SLC6A13: variants seen among roughly 807,000 people sequenced by gnomAD.
The protein encoded by SLC6A13 is sodium- and chloride-dependent GABA transporter 2.
In SLC6A13, 69 loss-of-function variants were observed where a neutral mutation model predicts 72.9. The observed-to-expected ratio is 0.95, with a 90% CI of 0.78 to 1.16. SLC6A13 has a LOEUF of 1.16. Ranked by LOEUF, SLC6A13 falls within the 50% of genes most tolerant of loss-of-function variation. The pLI, the probability that SLC6A13 is intolerant of heterozygous loss-of-function variation, is 0.00. For synonymous variants in SLC6A13, 303 were observed against 303.0 expected, an observed-to-expected ratio of 1.00 and a Z score of 0.00; for missense variants, 735 against 760.5, an observed-to-expected ratio of 0.97 and a Z score of 0.39.
intron 4 of SLC6A13, chr12:238,270 A>AGCTG: frequency 2.0e-6 from 3 of 1,463,622 alleles, no homozygotes; most frequent in Non-Finnish European, 2.7e-6. Flanking sequence ...TGGCAACAGG[A>AGCTG]AAGGTGCTCT....
At chr12:222,469 C>G (rs1591818003) in intron 13 of SLC6A13, 63 bp downstream of exon 13, 1 of 1,038,952 alleles carries the variant, frequency 9.6e-7, no homozygotes. Context: ...AACGGCTTCT[C>G]TACCCCTGCT....
intron 12 of SLC6A13, 82 bp downstream of exon 12, chr12:223,050 G>T: frequency 1.2e-6 from 1 of 835,316 alleles, no homozygotes; most frequent in Non-Finnish European, 2.0e-6. Context: ...AGTGCGAGCA[G>T]TAGATGTCTG....
intron 2 of SLC6A13, among the ~76,000 whole-genome samples, 166 bp from the exon 3 acceptor site, chr12:243,979 AAG>A (rs1203446267): frequency 1.2e-5 from 1 of 82,226 alleles, no homozygotes; most frequent in Non-Finnish European, 2.7e-5. Flanking sequence ...AGCAGAGATC[AAG>A]AGTCACCCCA....
At chr12:242,489 C>T in intron 4 of SLC6A13, 125 bp downstream of exon 4, 3 of 698,840 alleles carry the variant, frequency 4.3e-6, no homozygotes, top group Non-Finnish European at 6.7e-6. Flanking sequence ...TTGACATAAG[C>T]TCTCCATGGT....
At chr12:250,259 C>T (rs574109995) in intron 2 of SLC6A13, among the ~76,000 whole-genome samples, 2 of 152,240 alleles carry the variant, frequency 1.3e-5, no homozygotes, top group African/African-American at 4.8e-5. Flanking sequence ...CTATTCAATA[C>T]TGTACTGGGG....
chr12:253,216 A>G (rs1157857341), intron 2 of SLC6A13, among the ~76,000 whole-genome samples: 1 of 152,204 alleles, frequency 6.6e-6, no homozygotes, highest in African/African-American at 2.4e-5. Context: ...TCTCAAAAGG[A>G]GCACGCTCTG....
At chr12:262,730 C>T (rs1565513987) in intron 1 of SLC6A13, 59 bp downstream of exon 1, 1 of 982,690 alleles carries the variant, frequency 1.0e-6, no homozygotes, top group African/African-American at 1.7e-5. Context: ...CCATGGATCC[C>T]ACCAACCTGC....
intron 3 of SLC6A13, 118 bp from the exon 4 acceptor site, chr12:242,872 A>T: frequency 1.3e-6 from 1 of 789,212 alleles, no homozygotes; most frequent in Non-Finnish European, 1.9e-6. Context: ...AGTTCAATTT[A>T]CCATTGAGGG....
At chr12:251,459 T>G (rs1405923841) in intron 2 of SLC6A13, among the ~76,000 whole-genome samples, 2 of 152,156 alleles carry the variant, frequency 1.3e-5, no homozygotes, top group African/African-American at 2.4e-5. Context: ...CTTCACTGTA[T>G]ACAAAAATTA....
chr12:235,524 T>C (rs774042899), intron 6 of SLC6A13, among the ~76,000 whole-genome samples: 1 of 152,226 alleles, frequency 6.6e-6, no homozygotes, highest in Non-Finnish European at 1.5e-5. Context: ...CTCTTAATCC[T>C]GTTATCTTCA....
At chr12:237,365 G>A in intron 5 of SLC6A13, 75 bp from the exon 6 acceptor site, 1 of 1,530,198 alleles carries the variant, frequency 6.5e-7, no homozygotes, top group South Asian at 1.2e-5. Context: ...TGGGACAGTG[G>A]AGCTGAGCCT....
chr12:241,840 T>C (rs973155333), intron 4 of SLC6A13, among the ~76,000 whole-genome samples: 1 of 152,272 alleles, frequency 6.6e-6, no homozygotes, highest in Non-Finnish European at 1.5e-5. Context: ...ATTGCAGATA[T>C]GCAGCACATA....
chr12:245,748 G>A (rs1234833573), intron 2 of SLC6A13, among the ~76,000 whole-genome samples: 1 of 152,150 alleles, frequency 6.6e-6, no homozygotes, highest in African/African-American at 2.4e-5. Context: ...ACTCTGGGAG[G>A]CCAAGGCAGG....
At position 220,834 on chromosome 12, in the gene SLC6A13, T is replaced by G; in HGVS notation, c.*114A>C. The G allele has an allele frequency of 2.2e-6, 3 of 1,346,004 alleles. No individual in the cohort carries two copies. Among genetic ancestry groups the G allele is most frequent in the Non-Finnish European group, 3.0e-6 (3 of 985,742 alleles). The allele number at this position is 1,346,004 out of a possible 1,614,324, so 83.4% of individuals were successfully genotyped here. On this transcript the variant is annotated 3_prime_UTR_variant, in exon 15 of 15. Coordinates refer to ENST00000343164, the MANE Select transcript of SLC6A13 (RefSeq NM_016615.5). ...CAGGTGGACTCCAAAATACCCCTCT[T>G]GTCTTATCCACTCCAGGTCGGGGGC...
chr12:249,416 A>G (rs1942464032), intron 2 of SLC6A13, among the ~76,000 whole-genome samples: 1 of 152,156 alleles, frequency 6.6e-6, no homozygotes, highest in East Asian at 1.9e-4. Flanking sequence ...GAAGACACAA[A>G]TTATCAGCAT....
chr12:243,563 T>C (rs892331349), intron 3 of SLC6A13, 116 bp downstream of exon 3: 5 of 1,035,096 alleles, frequency 4.8e-6, no homozygotes, highest in Non-Finnish European at 5.6e-6. Context: ...GGGTTTAGCA[T>C]AGAGACTCGG....
Position 237,176 on chromosome 12 carries a change from C to A in SLC6A13, c.678G>T (p.Gly226=), listed in dbSNP as rs1453169752. The A allele has an allele frequency of 7.4e-6, 12 of 1,614,072 alleles. No homozygotes were observed. The highest frequency in any genetic ancestry group is 1.0e-5 in the Non-Finnish European group (12 of 1,179,990). Residue 226 remains glycine, a synonymous_variant, in exon 6 of 15, where the codon GGG becomes GGT. Coordinates refer to ENST00000343164, the MANE Select transcript of SLC6A13 (RefSeq NM_016615.5). ...WVICYFCIWK[G]VKSTGKVVYF... ...CACGAACCTTGCCTGTGGACTTCAC[C>A]CCCTTCCAGATGCAGAAGTAGCAGA...
At position 221,451 on chromosome 12, in the gene SLC6A13, C is replaced by T. The variant is rs1430831904; in HGVS notation, c.1611G>A (p.Leu537=). ...GAATGCAGACCATGGAGGACAGAGC[C>T]AGGAGCCAGCCCAGGGCATCGCCCC... ...PWWGDALGWL[L]ALSSMVCIPA... The change falls in exon 14 of 15, where the codon CTG becomes CTA. Residue 537 remains leucine, a synonymous_variant. Coordinates refer to ENST00000343164, the MANE Select transcript of SLC6A13 (RefSeq NM_016615.5). The T allele has an allele frequency of 6.2e-7, 1 of 1,614,000 alleles. No individual in the cohort carries two copies. The highest frequency in any genetic ancestry group is 1.7e-5 in the Admixed American group (1 of 60,000).
In SLC6A13 at chr12:243,772, C is replaced by T; in HGVS notation, c.244G>A (p.Gly82Ser). ...IPYLVFLFTC[G>S]IPVFLLETAL... ...GTCTCCAGAAGGAAGACAGGAATGC[C>T]ACAGGTAAAGAGGAAGACGAGGTAG... is the stretch of plus-strand genomic sequence containing the variant. Residue 82 changes from glycine to serine, a missense_variant, in exon 3 of 15, where the codon GGC becomes AGC. Physicochemically the swap from Gly to Ser is moderately conservative, Grantham distance 56 (BLOSUM62 0). Transcript: ENST00000343164. 2 of 1,614,180 alleles carry T rather than the reference C, an allele frequency of 1.2e-6. No homozygotes were observed. Among genetic ancestry groups the T allele is most frequent in the Non-Finnish European group, 1.7e-6 (2 of 1,180,016 alleles).
Sources: gnomAD v4.1 joint callset for allele counts (sites outside exome capture counted in the v4.1 genomes callset) on GRCh38, gnomAD v4.1.1 for gene constraint, MANE v1.5 for transcripts, NCBI Gene and HGNC (gene_info 2026-07-23, HGNC 2026-07-21) for gene names.